Variants in MYO3A observed in about 807,000 individuals in gnomAD.
MYO3A encodes the protein myosin-IIIa.
A neutral mutation model predicts 192.7 loss-of-function variants in MYO3A; 180 were observed. The ratio of observed to expected loss-of-function variants is 0.93; its 90% confidence interval spans 0.83 to 1.06. The LOEUF is 1.06. Among genes scored for constraint, MYO3A ranks in the 50% least tolerant of loss-of-function variants. The probability of loss-of-function intolerance (pLI) is 0.00; values close to 1 mark genes in which losing one functional copy is unlikely to be tolerated. For synonymous variants in MYO3A, 628 were observed against 645.3 expected, an observed-to-expected ratio of 0.97 and a Z score of 0.41; for missense variants, 1,896 against 1,905.0, an observed-to-expected ratio of 1.00 and a Z score of 0.09.
rs1564401368 is a variant in MYO3A at position 25,954,850 on chromosome 10, ATTC to A, written c.169-21_169-19del. 1.9e-6 allele frequency: 3 copies of A among 1,606,684 alleles called. No individual in the cohort carries two copies. In the East Asian group the frequency reaches 6.7e-5, roughly 36 times the overall value. On this transcript the variant is annotated intron_variant, in intron 3 of 34. Coordinates refer to ENST00000642920, the MANE Select transcript of MYO3A (RefSeq NM_017433.5). The stretch of plus-strand genomic sequence containing the variant: ...TTACTCATGGTTTTCTCACAGTTCT[ATTC>A]TTATGACTTTTTGAAACTAGGATAT...
chr10:26,116,359 G>C (rs1156854851), intron 17 of MYO3A, among the ~76,000 whole-genome samples: 1 of 152,192 alleles, frequency 6.6e-6, no homozygotes, highest in East Asian at 1.9e-4. Context: ...TTCACCTGGT[G>C]TTCTCCTTGT....
chr10:26,042,332 AC>A (rs1843397473), intron 10 of MYO3A, among the ~76,000 whole-genome samples: 1 of 152,004 alleles, frequency 6.6e-6, no homozygotes, highest in African/African-American at 2.4e-5. Context: ...GCATTCTATA[AC>A]CTTCTTCTTC....
intron 10 of MYO3A, among the ~76,000 whole-genome samples, chr10:26,039,464 A>C (rs1843218726): frequency 6.6e-6 from 1 of 151,904 alleles, no homozygotes; most frequent in Non-Finnish European, 1.5e-5. Context: ...GAGGATTGGC[A>C]TTAGTTCTTT....
intron 10 of MYO3A, among the ~76,000 whole-genome samples, chr10:26,058,261 C>A (rs1448195555): frequency 6.6e-6 from 1 of 152,098 alleles, no homozygotes; most frequent in African/African-American, 2.4e-5. Context: ...AGATTAAGTT[C>A]TTTCACTTAG....
chr10:26,046,250 A>T (rs1285144465), intron 10 of MYO3A, among the ~76,000 whole-genome samples: 1 of 152,258 alleles, frequency 6.6e-6, no homozygotes, highest in African/African-American at 2.4e-5. Flanking sequence ...ATCTGATACT[A>T]TCTCCAGGTA....
intron 25 of MYO3A, 88 bp from the exon 26 acceptor site, chr10:26,157,222 T>C: frequency 3.4e-6 from 4 of 1,183,476 alleles, no homozygotes; most frequent in Non-Finnish European, 3.7e-6. Context: ...ATTTTTTGAA[T>C]GTTATTCTTG....
chr10:26,089,158 A>G (rs1342990669), intron 15 of MYO3A, among the ~76,000 whole-genome samples: 1 of 152,242 alleles, frequency 6.6e-6, no homozygotes, highest in Non-Finnish European at 1.5e-5. Flanking sequence ...TCACAGTAAC[A>G]TAATAAGCTC....
At chr10:25,965,973 C>G (rs1263677099) in intron 4 of MYO3A, among the ~76,000 whole-genome samples, 1 of 150,242 alleles carries the variant, frequency 6.7e-6, no homozygotes, top group African/African-American at 2.5e-5. Flanking sequence ...CTCTCTCTCT[C>G]TCTCTCTTCA....
intron 6 of MYO3A, among the ~76,000 whole-genome samples, chr10:26,006,024 AACTG>A (rs1841178845): frequency 6.6e-6 from 1 of 152,076 alleles, no homozygotes; most frequent in South Asian, 2.1e-4. Context: ...GGAGTTCCAA[AACTG>A]ACTATTTTTC....
chr10:26,142,803 G>T (rs1407021063), intron 20 of MYO3A, among the ~76,000 whole-genome samples: 2 of 152,168 alleles, frequency 1.3e-5, no homozygotes, highest in African/African-American at 4.8e-5. Flanking sequence ...GAGAGATTCA[G>T]TGGGGAAAGT....
chr10:26,003,316 T>C (rs1460166729), intron 6 of MYO3A, among the ~76,000 whole-genome samples: 1 of 152,146 alleles, frequency 6.6e-6, no homozygotes, highest in African/African-American at 2.4e-5. Flanking sequence ...TGCTAAATAA[T>C]GAAAATCTGA....
At chr10:25,952,590 G>T (rs889992374) in intron 3 of MYO3A, among the ~76,000 whole-genome samples, 10 of 152,028 alleles carry the variant, frequency 6.6e-5, no homozygotes, top group Admixed American at 6.6e-4. Context: ...ACAAACTCAG[G>T]GGTCTAGAAG....
chr10:26,077,482 C>T (rs975707577), intron 14 of MYO3A, among the ~76,000 whole-genome samples: 4 of 151,216 alleles, frequency 2.6e-5, no homozygotes, highest in African/African-American at 7.3e-5. Flanking sequence ...ATTTGGATGC[C>T]CTATATTTCT....
intron 10 of MYO3A, among the ~76,000 whole-genome samples, chr10:26,047,296 C>T (rs1843684143): frequency 6.6e-6 from 1 of 150,552 alleles, no homozygotes; most frequent in Non-Finnish European, 1.5e-5. Flanking sequence ...CATCTTTTGG[C>T]CAGAAAAAAA....
chr10:26,194,045 G>T (rs1456737688), intron 32 of MYO3A, among the ~76,000 whole-genome samples: 4 of 152,110 alleles, frequency 2.6e-5, no homozygotes, highest in Admixed American at 2.0e-4. Context: ...TCTCATACCT[G>T]TGATCCATCA....
chr10:26,158,501 C>T (rs779572555), intron 26 of MYO3A, among the ~76,000 whole-genome samples: 13 of 151,986 alleles, frequency 8.6e-5, no homozygotes, highest in African/African-American at 2.2e-4. Context: ...GTGATCCACC[C>T]GTCTTGGCCT....
Position 25,952,057 on chromosome 10 carries a change from A to C in MYO3A, c.-17-37A>C. The C allele has an allele frequency of 2.7e-5, 40 of 1,494,350 alleles. 2 individuals are homozygous for C. The South Asian group carries it at 4.4e-4, about 16-fold the overall frequency. 92.6% of individuals were successfully genotyped at this position (1,494,350 alleles called of 1,614,324 possible). A position where few individuals can be genotyped will look rare whatever the true frequency, so the allele number is the denominator to read the frequency against. On this transcript the variant is annotated intron_variant, in intron 2 of 34. Coordinates refer to ENST00000642920, the MANE Select transcript of MYO3A (RefSeq NM_017433.5). ...TTTGTGTGTGCCATTTGATATCCTC[A>C]ATCAACTGTAGATGAAACTGTACTT...
intron 26 of MYO3A, among the ~76,000 whole-genome samples, chr10:26,161,860 A>T (rs543169062): frequency 6.6e-6 from 1 of 152,248 alleles, no homozygotes; most frequent in African/African-American, 2.4e-5. Flanking sequence ...CGTGTGGCTT[A>T]CCTAAGTATT....
At chr10:25,937,873 G>C (rs1208767996) in intron 2 of MYO3A, among the ~76,000 whole-genome samples, 1 of 152,146 alleles carries the variant, frequency 6.6e-6, no homozygotes, top group Admixed American at 6.6e-5. Context: ...AACTGGACAA[G>C]GTCTGTTTTA....
Sources: gnomAD v4.1 joint callset for allele counts (sites outside exome capture counted in the v4.1 genomes callset) on GRCh38, gnomAD v4.1.1 for gene constraint, MANE v1.5 for transcripts, NCBI Gene and HGNC (gene_info 2026-07-23, HGNC 2026-07-21) for gene names.